DOCK4: variants seen among roughly 807,000 people sequenced by gnomAD.
The protein encoded by DOCK4 is dedicator of cytokinesis 4, also known as dedicator of cytokinesis protein 4.
Under a neutral mutation model 268.1 loss-of-function variants are expected in DOCK4, and 97 were observed. That is an observed-to-expected ratio of 0.36 (90% CI 0.31 to 0.43). The LOEUF (loss-of-function observed/expected upper bound fraction) is 0.43. Among genes scored for constraint, DOCK4 ranks in the 20% least tolerant of loss-of-function variants. DOCK4 has a pLI of 1.00. For missense variants in DOCK4, 2,145 were observed against 2,455.7 expected, an observed-to-expected ratio of 0.87 and a Z score of 2.67; for synonymous variants, 954 against 887.2, an observed-to-expected ratio of 1.08 and a Z score of -1.34.
At chr7:111,857,048 A>T (rs1805069429) in intron 23 of DOCK4, among the ~76,000 whole-genome samples, 1 of 152,206 alleles carries the variant, frequency 6.6e-6, no homozygotes, top group African/African-American at 2.4e-5. Flanking sequence ...GTCATTTTTA[A>T]GAATAAAAGA....
chr7:111,865,579 C>T (rs944477010), intron 22 of DOCK4, among the ~76,000 whole-genome samples: 6 of 152,326 alleles, frequency 3.9e-5, no homozygotes, highest in African/African-American at 1.4e-4. Context: ...ACTCCCATGA[C>T]CCTGTTCCCT....
intron 8 of DOCK4, among the ~76,000 whole-genome samples, chr7:111,954,317 G>A (rs1796287721): frequency 6.6e-6 from 1 of 152,130 alleles, no homozygotes; most frequent in Non-Finnish European, 1.5e-5. Context: ...GATACTTTGG[G>A]AAGCAGCTGG....
chr7:112,203,213 G>A (rs1821097193), intron 1 of DOCK4, among the ~76,000 whole-genome samples: 1 of 152,158 alleles, frequency 6.6e-6, no homozygotes, highest in Admixed American at 6.5e-5. Context: ...AATCTCCTAA[G>A]GTGAAATTGC....
Position 111,737,737 on chromosome 7 carries a change from C to T in DOCK4, c.5233-748G>A, listed in dbSNP as rs146274705. ...AACATATATACTGCTTCCAATTTTACTAAAACCAGAAAACTTGGGAGGCTA... is the reference window on the plus strand; with the variant it reads ...AACATATATACTGCTTCCAATTTTATTAAAACCAGAAAACTTGGGAGGCTA... On this transcript the variant is annotated intron_variant, in intron 49 of 52. Transcript: ENST00000428084. Among the ~76,000 whole-genome samples, 6 of 152,260 alleles carry T rather than the reference C, an allele frequency of 3.9e-5. No individual in the cohort carries two copies. In the East Asian group the frequency reaches 9.6e-4, roughly 24 times the overall value.
intron 4 of DOCK4, among the ~76,000 whole-genome samples, chr7:111,995,019 T>C (rs2135256206): frequency 6.8e-6 from 1 of 147,134 alleles, no homozygotes; most frequent in South Asian, 2.2e-4. Context: ...ATGGGGGAAA[T>C]AAAAGAGAAG....
intron 12 of DOCK4, among the ~76,000 whole-genome samples, chr7:111,920,727 T>G (rs1793035943): frequency 6.6e-6 from 1 of 152,122 alleles, no homozygotes; most frequent in Non-Finnish European, 1.5e-5. Context: ...GGATGTATAT[T>G]ACAGTTTTCC....
chr7:111,998,582 G>A, intron 3 of DOCK4, 79 bp from the exon 4 acceptor site: 1 of 1,069,408 alleles, frequency 9.4e-7, no homozygotes. Context: ...ATAAAACACA[G>A]CCATACAACC....
At chr7:111,732,523 T>C (rs371949897) in intron 51 of DOCK4, 27 of 563,962 alleles carry the variant, frequency 4.8e-5, no homozygotes, top group African/African-American at 4.7e-4. Flanking sequence ...ATGGCATATA[T>C]GATGCTTTGA....
At chr7:112,149,410 T>A (rs1309361195) in intron 1 of DOCK4, among the ~76,000 whole-genome samples, 1 of 152,132 alleles carries the variant, frequency 6.6e-6, no homozygotes, top group Admixed American at 6.5e-5. Flanking sequence ...ATAATTTTTC[T>A]GTTACCACGC....
At chr7:111,868,467 T>C (rs1210297249) in intron 21 of DOCK4, among the ~76,000 whole-genome samples, 1 of 152,170 alleles carries the variant, frequency 6.6e-6, no homozygotes, top group Non-Finnish European at 1.5e-5. Context: ...TCCCAGCACT[T>C]TGGGAGGCCG....
At chr7:111,771,621 C>G (rs1186045452) in intron 36 of DOCK4, among the ~76,000 whole-genome samples, 1 of 152,160 alleles carries the variant, frequency 6.6e-6, no homozygotes, top group Non-Finnish European at 1.5e-5. Flanking sequence ...TTTTAACAGG[C>G]ATCTAGTTTT....
intron 14 of DOCK4, among the ~76,000 whole-genome samples, chr7:111,900,986 A>G (rs1404628263): frequency 6.6e-6 from 1 of 152,224 alleles, no homozygotes; most frequent in Non-Finnish European, 1.5e-5. Flanking sequence ...CACCCCAATT[A>G]GTAAGTAGTA....
At chr7:112,139,015 C>T (rs1814635875) in intron 1 of DOCK4, among the ~76,000 whole-genome samples, 1 of 152,170 alleles carries the variant, frequency 6.6e-6, no homozygotes. Flanking sequence ...ATTCCAACCT[C>T]CAGAGCTGTG....
At chr7:111,768,695 G>T (rs1477682462) in intron 37 of DOCK4, among the ~76,000 whole-genome samples, 1 of 152,164 alleles carries the variant, frequency 6.6e-6, no homozygotes, top group Non-Finnish European at 1.5e-5. Context: ...ACACCTCAAG[G>T]CATCTCTTAA....
chr7:111,917,489 G>A (rs755670019), intron 12 of DOCK4, among the ~76,000 whole-genome samples: 9 of 151,914 alleles, frequency 5.9e-5, no homozygotes, highest in East Asian at 2.0e-4. Context: ...CGAGGCAGGC[G>A]GATCATGAGG....
intron 1 of DOCK4, among the ~76,000 whole-genome samples, chr7:112,072,022 C>G (rs1807631343): frequency 6.6e-6 from 1 of 152,172 alleles, no homozygotes; most frequent in African/African-American, 2.4e-5. Context: ...TTCCTGCAAA[C>G]CAATGTGAAA....
chr7:112,139,294 C>A (rs373593594), intron 1 of DOCK4, among the ~76,000 whole-genome samples: 3 of 151,994 alleles, frequency 2.0e-5, no homozygotes, highest in South Asian at 4.1e-4. Flanking sequence ...CAAAAAATAC[C>A]CCCAAAAAGG....
chr7:112,058,410 T>C (rs1038578208), intron 1 of DOCK4, among the ~76,000 whole-genome samples: 4 of 152,212 alleles, frequency 2.6e-5, no homozygotes, highest in African/African-American at 9.6e-5. Context: ...TATATTAGCA[T>C]AGTTCACATT....
intron 1 of DOCK4, among the ~76,000 whole-genome samples, chr7:112,020,108 C>T (rs1036600970): frequency 6.4e-4 from 97 of 152,282 alleles, no homozygotes; most frequent in Middle Eastern, 6.8e-3. Context: ...CCACCTGCTC[C>T]GCACCCACCT....
Sources: allele counts gnomAD v4.1 joint callset (sites outside exome capture counted in the v4.1 genomes callset), GRCh38; gene constraint gnomAD v4.1.1; transcripts MANE v1.5; gene names NCBI Gene and HGNC (gene_info 2026-07-23, HGNC 2026-07-21).